Variants in ATXN1 observed in about 807,000 individuals in gnomAD.
ATXN1 encodes ataxin-1.
Under a neutral mutation model 56.4 loss-of-function variants are expected in ATXN1, and 8 were observed. That is an observed-to-expected ratio of 0.14 (90% CI 0.08 to 0.26). The LOEUF (loss-of-function observed/expected upper bound fraction) is 0.26, where lower values mean the gene tolerates loss of function less well. Among genes scored for constraint, ATXN1 ranks in the 10% least tolerant of loss-of-function variants. The pLI is 1.00. For synonymous variants in ATXN1, 514 were observed against 494.6 expected (o/e 1.04, Z -0.52); for missense variants, 987 against 1,106.5 (o/e 0.89, Z 1.53).
chr6:16,713,491 A>G (rs1455480160), intron 2 of ATXN1, among the ~76,000 whole-genome samples: 1 of 152,230 alleles, frequency 6.6e-6, no homozygotes, highest in East Asian at 1.9e-4. Context: ...TCCAAGAGTT[A>G]CTTCTTGTTT....
chr6:16,509,452 G>A (rs1761038821), intron 5 of ATXN1, among the ~76,000 whole-genome samples: 1 of 152,142 alleles, frequency 6.6e-6, no homozygotes, highest in African/African-American at 2.4e-5. Flanking sequence ...CACTCATTCA[G>A]GTCATTTTTC....
chr6:16,444,156 A>G (rs895747345), intron 6 of ATXN1, among the ~76,000 whole-genome samples: 15 of 151,762 alleles, frequency 9.9e-5, no homozygotes, highest in African/African-American at 3.1e-4. Flanking sequence ...ATCTATATCT[A>G]TATCTAGAGA....
chr6:16,731,582 T>A (rs1759986825), intron 2 of ATXN1, among the ~76,000 whole-genome samples: 1 of 150,784 alleles, frequency 6.6e-6, no homozygotes, highest in African/African-American at 2.4e-5. Context: ...GAAGACAGCC[T>A]TTAGCAGGAG....
At chr6:16,524,690 C>T (rs991147307) in intron 4 of ATXN1, among the ~76,000 whole-genome samples, 4 of 152,210 alleles carry the variant, frequency 2.6e-5, no homozygotes, top group African/African-American at 9.7e-5. Context: ...CACCATTTGG[C>T]ACACAACATG....
intron 5 of ATXN1, among the ~76,000 whole-genome samples, chr6:16,487,463 A>T (rs181593861): frequency 6.6e-6 from 1 of 152,254 alleles, no homozygotes; most frequent in Non-Finnish European, 1.5e-5. Context: ...AAATGGAGAG[A>T]CAAAATTGGG....
intron 5 of ATXN1, among the ~76,000 whole-genome samples, chr6:16,491,087 T>C (rs906239697): frequency 4.6e-4 from 55 of 120,516 alleles, no homozygotes; most frequent in African/African-American, 1.7e-3. Flanking sequence ...GACGGATCCC[T>C]GGATTTTTTT....
intron 3 of ATXN1, among the ~76,000 whole-genome samples, chr6:16,592,693 G>C (rs1039144845): frequency 1.3e-5 from 2 of 151,970 alleles, no homozygotes; most frequent in Non-Finnish European, 2.9e-5. Flanking sequence ...GTGGGTTCGT[G>C]GTCTCGCTGA....
At chr6:16,591,414 T>G (rs1374513676) in intron 3 of ATXN1, among the ~76,000 whole-genome samples, 1 of 152,236 alleles carries the variant, frequency 6.6e-6, no homozygotes, top group Non-Finnish European at 1.5e-5. Flanking sequence ...AAAAAAGTCT[T>G]AATTTGATCA....
chr6:16,474,586 A>T (rs73724876), intron 6 of ATXN1, among the ~76,000 whole-genome samples: 1 of 152,208 alleles, frequency 6.6e-6, no homozygotes, highest in Non-Finnish European at 1.5e-5. Context: ...CTTGTTACAC[A>T]GTATATGCTA....
intron 2 of ATXN1, among the ~76,000 whole-genome samples, chr6:16,720,535 C>A (rs1440538677): frequency 6.6e-6 from 1 of 152,220 alleles, no homozygotes; most frequent in African/African-American, 2.4e-5. Context: ...AAAAGCCTGA[C>A]TTGATTAGCA....
chr6:16,461,272 T>C lies in ATXN1; in HGVS notation c.-161+24700A>G, dbSNP rs529752515. Among the ~76,000 whole-genome samples, 3 of 152,260 alleles carry C rather than the reference T, an allele frequency of 2.0e-5. No individual in the cohort carries two copies. The East Asian group carries it at 5.8e-4, about 29-fold the overall frequency. On this transcript the variant is annotated intron_variant, in intron 6 of 7. Transcript: ENST00000436367. ...TCACGGGGGCATAGTTTTCTCCCCT[T>C]GGGGTGGTTAACGGCAGAAGAGGGA...
At position 16,305,543 on chromosome 6, in the gene ATXN1, G is replaced by C. The variant is rs1760221217; in HGVS notation, c.*786C>G. The C allele has an allele frequency of 6.6e-6, 1 of 152,466 alleles. No individual in the cohort carries two copies. The highest frequency in any genetic ancestry group is 1.5e-5 in the Non-Finnish European group (1 of 68,044). 9.4% of individuals were successfully genotyped at this position (152,466 alleles called of 1,614,324 possible). A position where few individuals can be genotyped will look rare whatever the true frequency, so the allele number is the denominator to read the frequency against. On this transcript the variant is annotated 3_prime_UTR_variant, in exon 8 of 8. Coordinates refer to ENST00000436367, the MANE Select transcript of ATXN1 (RefSeq NM_001128164.2). ...ACCCCATGTGGGGCCATGACAGCAG[G>C]GGCTTCCCTGTCCACCACAACACCC...
chr6:16,471,177 C>T (rs1760208782), intron 6 of ATXN1, among the ~76,000 whole-genome samples: 1 of 147,142 alleles, frequency 6.8e-6, no homozygotes, highest in Non-Finnish European at 1.5e-5. Context: ...ATCTGAAAGA[C>T]TTCTGGCAAT....
intron 7 of ATXN1, among the ~76,000 whole-genome samples, chr6:16,315,351 A>T (rs1214847633): frequency 1.3e-5 from 2 of 152,096 alleles, no homozygotes; most frequent in Non-Finnish European, 2.9e-5. Context: ...TTCCTTTTCC[A>T]AATACACCTA....
chr6:16,521,507 G>A (rs1214162338), intron 5 of ATXN1, among the ~76,000 whole-genome samples: 6 of 152,224 alleles, frequency 3.9e-5, no homozygotes, highest in African/African-American at 7.2e-5. Flanking sequence ...GCAGTGAGCC[G>A]AGATCGTGCC....
chr6:16,561,256 T>C (rs1442592738), intron 4 of ATXN1, among the ~76,000 whole-genome samples: 1 of 152,154 alleles, frequency 6.6e-6, no homozygotes, highest in African/African-American at 2.4e-5. Context: ...TTTTCCAAGC[T>C]TGAGAATCAT....
At position 16,328,235 on chromosome 6, in the gene ATXN1, A is replaced by G; in HGVS notation, c.76T>C (p.Ser26Pro). Reference sequence around the variant, plus strand: ...GGCAGGGTAGGGGCCTTCTCCTCGGAGGACCGGCTGGTGGCGGGGATCTCG... The same window carrying G: ...GGCAGGGTAGGGGCCTTCTCCTCGGGGGACCGGCTGGTGGCGGGGATCTCG... ...KREIPATSRS[S>P]EEKAPTLPSD... The change falls in exon 7 of 8, where the codon TCC becomes CCC. Residue 26 changes from serine (S) to proline (P), a missense_variant. Around this residue, in one of 3 missense-constraint regions of ATXN1, gnomAD observed 723 missense variants for 791.7 expected, o/e 0.91. Transcript: ENST00000436367. This position sits in a 1 kb window ranked among gnomAD's most constrained non-coding sequence, Gnocchi z 6.2. The G allele has an allele frequency of 6.4e-7, 1 of 1,567,500 alleles. No homozygotes were observed.
chr6:16,498,292 C>T (rs952286525), intron 5 of ATXN1, among the ~76,000 whole-genome samples: 6 of 152,164 alleles, frequency 3.9e-5, no homozygotes, highest in African/African-American at 1.4e-4. Flanking sequence ...GTTTTCAAGG[C>T]TCATTCATAT....
At chr6:16,491,104 T>TG (rs1275246675) in intron 5 of ATXN1, among the ~76,000 whole-genome samples, 1 of 136,294 alleles carries the variant, frequency 7.3e-6, no homozygotes, top group Non-Finnish European at 1.6e-5. Flanking sequence ...TTTTTTTTTT[T>TG]TTTTTTTTTT....
Sources: gnomAD v4.1 joint callset for allele counts (sites outside exome capture counted in the v4.1 genomes callset) on GRCh38, gnomAD v4.1.1 for gene constraint, gnomAD v4.1.1 regional missense constraint, Gnocchi (gnomAD v3.1) non-coding constraint, MANE v1.5 for transcripts, NCBI Gene and HGNC (gene_info 2026-07-23, HGNC 2026-07-21) for gene names.